ENOSF1: variants seen among roughly 807,000 people sequenced by gnomAD.
ENOSF1 encodes the protein enolase superfamily member 1.
ENOSF1 carries 73 observed loss-of-function variants against 68.2 expected under a neutral mutation model. The ratio of observed to expected loss-of-function variants is 1.07; its 90% CI spans 0.89 to 1.30. ENOSF1 has a LOEUF of 1.30. ENOSF1 is among the 50% of genes most tolerant of loss of function. The pLI is 0.00. For missense variants in ENOSF1, 589 were observed against 554.5 expected (o/e 1.06, Z -0.62); for synonymous variants, 223 against 210.4 (o/e 1.06, Z -0.52).
chr18:710,348 G>A (rs550599281), intron 1 of ENOSF1, among the ~76,000 whole-genome samples: 49 of 152,212 alleles, frequency 3.2e-4, no homozygotes, highest in Non-Finnish European at 6.6e-4. Flanking sequence ...GGGCTCAAGC[G>A]ATCCACCTGC....
At chr18:710,718 G>A (rs1471346003) in intron 1 of ENOSF1, among the ~76,000 whole-genome samples, 1 of 152,092 alleles carries the variant, frequency 6.6e-6, no homozygotes, top group Non-Finnish European at 1.5e-5. Context: ...GCTCTTTACA[G>A]GTATCTCATT....
chr18:683,216 C>G (rs748095248), intron 11 of ENOSF1, 30 bp downstream of exon 11: 1 of 1,612,440 alleles, frequency 6.2e-7, no homozygotes, highest in Non-Finnish European at 8.5e-7. Flanking sequence ...GAAAAATAAG[C>G]TGCCACAGCA....
At chr18:709,768 T>TAAAAA (rs557376583) in intron 1 of ENOSF1, among the ~76,000 whole-genome samples, 1 of 143,862 alleles carries the variant, frequency 7.0e-6, no homozygotes, top group African/African-American at 2.5e-5. Context: ...AGACTCTGTC[T>TAAAAA]AAAAAAAAAA....
downstream of ENOSF1, among the ~76,000 whole-genome samples, chr18:669,629 CCCAA>C (rs1365324934): frequency 6.6e-6 from 1 of 152,044 alleles, no homozygotes. Context: ...GCCTCAGCCT[CCCAA>C]CCAGATGATC....
chr18:678,927 G>A (rs2075790808), intron 11 of ENOSF1, among the ~76,000 whole-genome samples, 190 bp from the exon 12 acceptor site: 2 of 152,222 alleles, frequency 1.3e-5, no homozygotes, highest in South Asian at 2.1e-4. Context: ...AGAGGAGAAG[G>A]TGAGCACTGC....
intron 11 of ENOSF1, 122 bp from the exon 12 acceptor site, chr18:678,859 A>G: frequency 3.1e-6 from 3 of 971,728 alleles, no homozygotes; most frequent in Non-Finnish European, 4.8e-6. Context: ...TGAAGGCTCA[A>G]GACTGGCAAA....
At chr18:666,999 A>AGATGGT (rs1176133296), downstream of ENOSF1, among the ~76,000 whole-genome samples, 1 of 6,722 alleles carries the variant, frequency 1.5e-4, no homozygotes, top group Non-Finnish European at 2.8e-4. Flanking sequence ...ATGGTGATGG[A>AGATGGT]GATGGTGATG....
At chr18:693,827 C>A in intron 5 of ENOSF1, 55 bp downstream of exon 5, 1 of 1,609,844 alleles carries the variant, frequency 6.2e-7, no homozygotes, top group South Asian at 1.1e-5. Flanking sequence ...GGCATGTCAT[C>A]AATGATATCC....
rs1050740087 is a variant in ENOSF1, at chr18:674,306, T to TA, written c.1330dup (p.Ter444LeufsTer12). Reference sequence around the variant, plus strand: ...AAAAAAGTTGTTGGGGCTGAGCACTTAATTTTCTTGAGCAGGAAGGAGTTT... The same window carrying TA: ...AAAAAAGTTGTTGGGGCTGAGCACTTAAATTTTCTTGAGCAGGAAGGAGTTT... On this transcript the variant is annotated frameshift_variant and stop_lost, in exon 16 of 16. Transcript: ENST00000647584. LOFTEE classifies it high-confidence loss of function. 1.2e-6 allele frequency: 2 copies of TA among 1,605,390 alleles called. No individual in the cohort carries two copies. Among genetic ancestry groups the TA allele is most frequent in the African/African-American group, 1.3e-5 (1 of 74,378 alleles).
At position 697,375 on chromosome 18, in the gene ENOSF1, C is replaced by A. The variant is rs769156696; in HGVS notation, c.194-20G>T. On this transcript the variant is annotated intron_variant, in intron 2 of 15. Transcript: ENST00000647584. ...AGACAACTATTTAAAAAGGATTGAA[C>A]TCTTGTTTATGCTTCTATACTAGGT... The A allele has an allele frequency of 6.5e-7, 1 of 1,547,180 alleles. No homozygotes were observed. Among genetic ancestry groups the A allele is most frequent in the Admixed American group, 1.8e-5 (1 of 57,088 alleles).
chr18:698,047 G>A (rs991857935), intron 2 of ENOSF1, among the ~76,000 whole-genome samples: 4 of 152,178 alleles, frequency 2.6e-5, no homozygotes, highest in Admixed American at 2.0e-4. Context: ...ACCCGCCTTG[G>A]CCTCCCAAAG....
In ENOSF1 at chr18:683,561, A is replaced by G. The variant is rs971067666; in HGVS notation, c.742-181T>C. ...AAAGAGCCAGAGAGCAGCTGCTGAG[A>G]CGGGGACTCTGGCTCCAGGTACAGT... is the stretch of plus-strand genomic sequence containing the variant. On this transcript the variant is annotated intron_variant, in intron 10 of 15. Coordinates refer to ENST00000647584, the MANE Select transcript of ENOSF1 (RefSeq NM_017512.7). Among the ~76,000 whole-genome samples, 13 of 152,194 alleles carry G rather than the reference A, an allele frequency of 8.5e-5. 1 individual carries two copies. Among genetic ancestry groups the G allele is most frequent in the Admixed American group, 2.0e-4 (3 of 15,288 alleles).
intron 2 of ENOSF1, among the ~76,000 whole-genome samples, chr18:701,042 T>C (rs1036333627): frequency 6.6e-6 from 1 of 151,932 alleles, no homozygotes; most frequent in Non-Finnish European, 1.5e-5. Context: ...GGACTTCAAT[T>C]CTCTGGAGCC....
intron 10 of ENOSF1, among the ~76,000 whole-genome samples, chr18:684,019 A>T (rs1289096590): frequency 6.7e-6 from 1 of 149,636 alleles, no homozygotes; most frequent in Non-Finnish European, 1.5e-5. Flanking sequence ...TTTGAGACAG[A>T]GTCTCGCTCT....
chr18:699,070 G>C (rs2078049114), intron 2 of ENOSF1, among the ~76,000 whole-genome samples: 1 of 152,068 alleles, frequency 6.6e-6, no homozygotes, highest in African/African-American at 2.4e-5. Context: ...GCAGTGGGTG[G>C]GGAGGTTCTG....
chr18:669,092 G>T, downstream of ENOSF1: 1 of 1,614,138 alleles, frequency 6.2e-7, no homozygotes, highest in South Asian at 1.1e-5. Context: ...ACAGGGAGTT[G>T]ACCAACTGCA....
At chr18:689,851 G>T (rs2076975074) in intron 8 of ENOSF1, among the ~76,000 whole-genome samples, 1 of 152,270 alleles carries the variant, frequency 6.6e-6, no homozygotes, top group East Asian at 1.9e-4. Context: ...TGAAAGGCAT[G>T]ATTGTGGGGT....
rs2075088221 is a variant in ENOSF1 at position 672,085 on chromosome 18, A to AT, written c.*2219dup. 3 of 152,212 alleles carry AT rather than the reference A, an allele frequency of 2.0e-5. No homozygotes were observed. The highest frequency in any genetic ancestry group is 7.2e-5 in the African/African-American group (3 of 41,452). 9.4% of individuals were successfully genotyped at this position (152,212 alleles called of 1,614,324 possible). ...ATAAGCCACCACCCTGGCCATAAAT[A>AT]TTTTTTGTTAATTTTACATTAAGTA... On this transcript the variant is annotated 3_prime_UTR_variant, in exon 16 of 16. Transcript: ENST00000647584.
intron 5 of ENOSF1, chr18:693,042 GAAGTCACATGCTCA>G (rs2077363551): frequency 6.3e-6 from 8 of 1,271,936 alleles, no homozygotes; most frequent in Non-Finnish European, 8.2e-6. Flanking sequence ...TCAGAGTGGG[GAAGTCACATGCTCA>G]AGGTCATGCA....
Sources: allele counts gnomAD v4.1 joint callset (sites outside exome capture counted in the v4.1 genomes callset), GRCh38; gene constraint gnomAD v4.1.1; transcripts MANE v1.5; gene names NCBI Gene and HGNC (gene_info 2026-07-23, HGNC 2026-07-21).